The following LRP1B variants were observed in gnomAD, a reference collection of about 807,000 sequenced individuals.
The protein encoded by LRP1B is low-density lipoprotein receptor-related protein 1B.
Under a neutral mutation model 556.6 loss-of-function variants are expected in LRP1B, and 217 were observed. The observed-to-expected ratio is 0.39, with a 90% confidence interval of 0.35 to 0.44. The LOEUF is 0.44. Ranked by LOEUF, LRP1B falls within the 20% of genes least tolerant of loss-of-function variation. LRP1B has a pLI of 1.00. For missense variants in LRP1B, 5,053 were observed against 5,620.8 expected (o/e 0.90, Z 3.23); for synonymous variants, 2,047 against 1,865.8 (o/e 1.10, Z -2.50).
At chr2:140,836,407 T>C (rs1286962822) in intron 31 of LRP1B, among the ~76,000 whole-genome samples, 1 of 152,220 alleles carries the variant, frequency 6.6e-6, no homozygotes, top group African/African-American at 2.4e-5. Context: ...ATGTTGTCCC[T>C]GAAACACGAC....
chr2:140,479,709 T>C (rs1269805987), intron 59 of LRP1B, among the ~76,000 whole-genome samples: 1 of 152,244 alleles, frequency 6.6e-6, no homozygotes, highest in African/African-American at 2.4e-5. Flanking sequence ...GTTATTTCCC[T>C]GTGTGTTTTT....
At chr2:141,156,523 G>A (rs1203770772) in intron 7 of LRP1B, among the ~76,000 whole-genome samples, 6 of 151,918 alleles carry the variant, frequency 3.9e-5, no homozygotes, top group Admixed American at 1.3e-4. Flanking sequence ...AGCTACTTGG[G>A]AGGCTGAGGC....
rs528386001 is a variant in LRP1B, at chr2:141,373,301, G to C, written c.343+107095C>G. 3.7e-4 allele frequency among the ~76,000 whole-genome samples: 56 copies of C among 152,156 alleles called. No homozygotes were observed. In the East Asian group the frequency reaches 7.7e-3, roughly 21 times the overall value. On this transcript the variant is annotated intron_variant, in intron 3 of 90. Transcript: ENST00000389484. ...TTTGGAGAATGTTCCACGTGCTAAC[G>C]AAAACGATGAATATTCTATAGTTGG...
intron 3 of LRP1B, among the ~76,000 whole-genome samples, chr2:141,319,693 C>T (rs1018142072): frequency 1.1e-4 from 16 of 152,112 alleles, no homozygotes; most frequent in African/African-American, 3.9e-4. Context: ...GTAGATAATA[C>T]AGTTGTCAGA....
Position 140,386,025 on chromosome 2 carries a change from C to T in LRP1B, c.10415-16G>A, listed in dbSNP as rs1323125478. 25 of 1,485,116 alleles carry T rather than the reference C, an allele frequency of 1.7e-5. No individual in the cohort carries two copies. Among genetic ancestry groups the T allele is most frequent in the African/African-American group, 2.8e-5 (2 of 71,962 alleles). 92.0% of individuals were successfully genotyped at this position (1,485,116 alleles called of 1,614,324 possible). A position where few individuals can be genotyped will look rare whatever the true frequency, so the allele number is the denominator to read the frequency against. On this transcript the variant is annotated splice_polypyrimidine_tract_variant and intron_variant, in intron 66 of 90. Coordinates refer to ENST00000389484, the MANE Select transcript of LRP1B (RefSeq NM_018557.3). ...GTCTTTTTATCTGTAATGGAAAGAA[C>T]CAGAGTTTGCATTGTAGATTTCCAT...
chr2:141,965,755 A>C (rs1558991477), intron 1 of LRP1B, among the ~76,000 whole-genome samples: 1 of 64,134 alleles, frequency 1.6e-5, no homozygotes, highest in African/African-American at 3.6e-5. Context: ...ATTAAAAAAA[A>C]TAATAATAAT....
rs568678317 is a variant in LRP1B at position 141,568,520 on chromosome 2, C to A, written c.206-87987G>T. ...CTCTGATAGTATATCCATCAGAATTCGGCATTTGATCATGAGTTAAGGAAA... is the reference window on the plus strand; with the variant it reads ...CTCTGATAGTATATCCATCAGAATTAGGCATTTGATCATGAGTTAAGGAAA... On this transcript the variant is annotated intron_variant, in intron 2 of 90. Transcript: ENST00000389484. 2.6e-5 allele frequency among the ~76,000 whole-genome samples: 4 copies of A among 151,032 alleles called. No homozygotes were observed. The East Asian group carries it at 7.7e-4, about 29-fold the overall frequency.
At chr2:141,900,468 GTAA>G (rs1699584966) in intron 1 of LRP1B, among the ~76,000 whole-genome samples, 1 of 151,894 alleles carries the variant, frequency 6.6e-6, no homozygotes, top group African/African-American at 2.4e-5. Flanking sequence ...TTAAATACCT[GTAA>G]TAATATTCCA....
At chr2:140,891,987 G>C (rs1693812703) in intron 23 of LRP1B, among the ~76,000 whole-genome samples, 1 of 152,138 alleles carries the variant, frequency 6.6e-6, no homozygotes. Context: ...GGGTGTGTGT[G>C]TGTGAGAGGC....
intron 1 of LRP1B, among the ~76,000 whole-genome samples, chr2:142,127,635 A>G (rs1707702412): frequency 6.6e-6 from 1 of 152,002 alleles, no homozygotes; most frequent in Admixed American, 6.6e-5. Flanking sequence ...CTTTAATGTT[A>G]TTTGTGGCAT....
At chr2:140,288,325 ATAGT>A (rs1378980955) in intron 84 of LRP1B, among the ~76,000 whole-genome samples, 1 of 151,806 alleles carries the variant, frequency 6.6e-6, no homozygotes, top group Admixed American at 6.6e-5. Flanking sequence ...TAAATCTTTA[ATAGT>A]TAAACATAAA....
intron 7 of LRP1B, among the ~76,000 whole-genome samples, chr2:141,080,058 T>C (rs574158333): frequency 2.0e-5 from 3 of 152,344 alleles, no homozygotes; most frequent in African/African-American, 4.8e-5. Context: ...ATATAAGCTA[T>C]ATGCTAAATA....
At chr2:141,716,976 G>C (rs936384849) in intron 2 of LRP1B, among the ~76,000 whole-genome samples, 1 of 151,524 alleles carries the variant, frequency 6.6e-6, no homozygotes, top group Non-Finnish European at 1.5e-5. Context: ...CACAGGGGGG[G>C]GTCGCAATTC....
chr2:140,354,949 T>C (rs1465842035), intron 75 of LRP1B, among the ~76,000 whole-genome samples: 2 of 152,060 alleles, frequency 1.3e-5, no homozygotes, highest in South Asian at 2.1e-4. Flanking sequence ...TTTTGGATTA[T>C]AGAATCCAAT....
intron 66 of LRP1B, among the ~76,000 whole-genome samples, chr2:140,431,420 A>T (rs1010122331): frequency 6.6e-6 from 1 of 151,878 alleles, no homozygotes; most frequent in African/African-American, 2.4e-5. Flanking sequence ...GCCCCAAAAA[A>T]CTTGTCATCC....
At chr2:141,464,926 T>G (rs187109177) in intron 3 of LRP1B, among the ~76,000 whole-genome samples, 19 of 151,086 alleles carry the variant, frequency 1.3e-4, no homozygotes, top group Admixed American at 1.1e-3. Flanking sequence ...TCCTTCAAAA[T>G]AAAACAAAAA....
At chr2:140,469,596 T>A (rs1004404579) in intron 60 of LRP1B, among the ~76,000 whole-genome samples, 2 of 151,998 alleles carry the variant, frequency 1.3e-5, no homozygotes, top group African/African-American at 4.8e-5. Flanking sequence ...AGTGGCTTTG[T>A]TTTTGTGTGT....
intron 67 of LRP1B, among the ~76,000 whole-genome samples, chr2:140,385,375 A>T (rs1271698775): frequency 6.6e-6 from 1 of 152,224 alleles, no homozygotes; most frequent in Non-Finnish European, 1.5e-5. Context: ...ATTATATAAA[A>T]TGGAGAAGAC....
intron 2 of LRP1B, among the ~76,000 whole-genome samples, chr2:141,780,954 C>T (rs530677971): frequency 6.6e-5 from 10 of 151,782 alleles, no homozygotes; most frequent in East Asian, 1.9e-4. Flanking sequence ...TTATTATTTT[C>T]GATTGCAAGT....
Sources: allele counts gnomAD v4.1 joint callset (sites outside exome capture counted in the v4.1 genomes callset), GRCh38; gene constraint gnomAD v4.1.1; transcripts MANE v1.5; gene names NCBI Gene and HGNC (gene_info 2026-07-23, HGNC 2026-07-21).